The following ZNF557 variants were observed in gnomAD, a reference collection of about 807,000 sequenced individuals.
ZNF557 encodes zinc finger protein 557.
ZNF557 carries 19 observed loss-of-function variants against 21.2 expected under a neutral mutation model. The ratio of observed to expected loss-of-function variants is 0.90; its 90% CI spans 0.63 to 1.32. The LOEUF (loss-of-function observed/expected upper bound fraction) is 1.32, where lower values mean the gene tolerates loss of function less well. Ranked by LOEUF, ZNF557 falls within the 40% of genes most tolerant of loss-of-function variation. ZNF557 has a pLI of 0.00. For missense variants in ZNF557, 487 were observed against 519.8 expected (o/e 0.94, Z 0.61); for synonymous variants, 207 against 194.8 (o/e 1.06, Z -0.52).
rs1977793754 is a variant in ZNF557, at chr19:7,084,539, G to C, written c.*795G>C. ...CTAATTTGTTTTTTTTTAAACTAGA[G>C]GGAGGGTTTTGCCATGTTGCCCAGA... On this transcript the variant is annotated 3_prime_UTR_variant, in exon 8 of 8. Transcript: ENST00000252840. 1 of 151,910 alleles carries C rather than the reference G, an allele frequency of 6.6e-6. No homozygotes were observed. The highest frequency in any genetic ancestry group is 6.6e-5 in the Admixed American group (1 of 15,240). 9.4% of individuals were successfully genotyped at this position (151,910 alleles called of 1,614,324 possible).
chr19:7,083,429 G>GA lies in ZNF557; in HGVS notation c.979dup (p.Arg327LysfsTer25). 6.2e-7 allele frequency: 1 copy of GA among 1,614,162 alleles called. No homozygotes were observed. The highest frequency in any genetic ancestry group is 8.5e-7 in the Non-Finnish European group (1 of 1,180,028). ...ACCCTTACGAATGCCACGATTGTGG[G>GA]AGAACCTTCAGGAGGAGGTCGAATC... On this transcript the variant is annotated frameshift_variant, in exon 8 of 8. Coordinates refer to ENST00000252840, the MANE Select transcript of ZNF557 (RefSeq NM_024341.3). LOFTEE classifies it low-confidence loss of function (END_TRUNC).
Position 7,083,109 on chromosome 19 carries a change from A to T in ZNF557, c.658A>T (p.Arg220Ter), listed in dbSNP as rs758157047. ...CNDCGKTFSS[R>*]SYLTVHKRIH... The stretch of plus-strand genomic sequence containing the variant: ...TGACTGTGGGAAAACCTTCAGCAGC[A>T]GATCTTACCTTACTGTTCATAAGAG... The change falls in exon 8 of 8, where the codon AGA (arginine) becomes TGA (stop). Residue 220 changes from arginine (R) to a stop codon, truncating the protein, a stop_gained. Transcript: ENST00000252840. LOFTEE classifies it low-confidence loss of function (END_TRUNC). 7.4e-6 allele frequency: 12 copies of T among 1,613,980 alleles called. No individual in the cohort carries two copies. The African/African-American group carries it at 1.6e-4, about 22-fold the overall frequency.
intron 2 of ZNF557, among the ~76,000 whole-genome samples, chr19:7,071,769 C>T (rs1044022345): frequency 8.1e-5 from 11 of 136,414 alleles, no homozygotes; most frequent in African/African-American, 3.1e-4. Flanking sequence ...CGCTGCACTT[C>T]AGCCTGGGCA....
rs7247999 is a variant in ZNF557 at position 7,081,202 on chromosome 19, A to T, written c.248-158A>T. On this transcript the variant is annotated intron_variant, in intron 5 of 7. Transcript: ENST00000252840. ...GTGTGTGTGTGTGTGTGTGTGTGTGAGTGTTTAAGACGGTTGCTATATTTA... is the reference window on the plus strand; with the variant it reads ...GTGTGTGTGTGTGTGTGTGTGTGTGTGTGTTTAAGACGGTTGCTATATTTA... Among the ~76,000 whole-genome samples the T allele has an allele frequency of 1.0e-2, 342 of 34,330 alleles. 4 individuals are homozygous for T. The highest frequency in any genetic ancestry group is 0.053 in the African/African-American group (219 of 4,108). 22.5% of individuals were successfully genotyped at this position (34,330 alleles called of 152,430 possible).
At chr19:7,076,981 C>T (rs1977596776) in intron 5 of ZNF557, among the ~76,000 whole-genome samples, 2 of 152,004 alleles carry the variant, frequency 1.3e-5, no homozygotes, top group East Asian at 1.9e-4. Context: ...CTCTTGGGCT[C>T]AGGTGATCCT....
At chr19:7,074,795 G>T (rs1447519354) in intron 2 of ZNF557, among the ~76,000 whole-genome samples, 1 of 90,572 alleles carries the variant, frequency 1.1e-5, no homozygotes, top group Non-Finnish European at 2.3e-5. Flanking sequence ...CGGACTGGAG[G>T]GGGGGTGTGA....
Position 7,083,769 on chromosome 19 carries a change from T to A in ZNF557, c.*25T>A. 1 of 1,568,310 alleles carries A rather than the reference T, an allele frequency of 6.4e-7. No individual in the cohort carries two copies. Among genetic ancestry groups the A allele is most frequent in the African/African-American group, 1.4e-5 (1 of 73,618 alleles). On this transcript the variant is annotated 3_prime_UTR_variant, in exon 8 of 8. Coordinates refer to ENST00000252840, the MANE Select transcript of ZNF557 (RefSeq NM_024341.3). The stretch of plus-strand genomic sequence containing the variant: ...AATTCAATAACTGTGGGAAAAGCAT[T>A]CATTGATCTTTCATGCCTCAGATAA...
chr19:7,076,420 C>T lies in ZNF557; in HGVS notation c.160C>T (p.Gln54Ter). 2 of 1,614,144 alleles carry T rather than the reference C, an allele frequency of 1.2e-6. No homozygotes were observed. Among genetic ancestry groups the T allele is most frequent in the African/African-American group, 2.7e-5 (2 of 75,036 alleles). The change falls in exon 5 of 8, where the codon CAG (glutamine) becomes TAG (stop). Residue 54 changes from glutamine (Q) to a stop codon, truncating the protein, a stop_gained. Coordinates refer to ENST00000252840, the MANE Select transcript of ZNF557 (RefSeq NM_024341.3). LOFTEE classifies it high-confidence loss of function. The part of the protein sequence containing the change: ...TFEDVAVEFT[Q>*]EEWALLDPAQ... ...TGAGGATGTGGCCGTGGAGTTCACC[C>T]AGGAGGAGTGGGCATTGCTGGACCC...
rs1243963698 is a variant in ZNF557 at position 7,083,106 on chromosome 19, A to C, written c.655A>C (p.Ser219Arg). 6.2e-7 allele frequency: 1 copy of C among 1,614,070 alleles called. No individual in the cohort carries two copies. The highest frequency in any genetic ancestry group is 8.5e-7 in the Non-Finnish European group (1 of 1,180,004). Residue 219 changes from serine to arginine, a missense_variant, in exon 8 of 8, where the codon AGC becomes CGC. Transcript: ENST00000252840. Reference sequence around the variant, plus strand: ...CAATGACTGTGGGAAAACCTTCAGCAGCAGATCTTACCTTACTGTTCATAA... The same window carrying C: ...CAATGACTGTGGGAAAACCTTCAGCCGCAGATCTTACCTTACTGTTCATAA... ...ECNDCGKTFS[S>R]RSYLTVHKRI...
chr19:7,074,920 A>G (rs1265097650), intron 2 of ZNF557, 76 bp from the exon 3 acceptor site: 2 of 1,127,184 alleles, frequency 1.8e-6, no homozygotes, highest in Admixed American at 4.1e-5. Context: ...GGGCACGGGC[A>G]GGAGACGGGG....
At chr19:7,078,252 C>T (rs1252970955) in intron 5 of ZNF557, among the ~76,000 whole-genome samples, 1 of 152,042 alleles carries the variant, frequency 6.6e-6, no homozygotes, top group African/African-American at 2.4e-5. Context: ...TACATGATGA[C>T]TTATTTCTCC....
At position 7,075,046 on chromosome 19, in the gene ZNF557, G is replaced by A. The variant is rs371273123; in HGVS notation, c.-29G>A. The A allele has an allele frequency of 1.0e-4, 167 of 1,613,998 alleles. No homozygotes were observed. The highest frequency in any genetic ancestry group is 4.0e-4 in the African/African-American group (30 of 74,998). On this transcript the variant is annotated 5_prime_UTR_variant, in exon 3 of 8. Transcript: ENST00000252840. ...ATAAAGGAGGAGCGTCCTGCTTCCC[G>A]GCTGCCCTGTTGCTGTCGGAGTCAC...
At position 7,085,333 on chromosome 19, in the gene ZNF557, T is replaced by G. The variant is rs1599846583; in HGVS notation, c.*1589T>G. 1.3e-5 allele frequency: 2 copies of G among 152,124 alleles called. No individual in the cohort carries two copies. Among genetic ancestry groups the G allele is most frequent in the South Asian group, 4.2e-4 (2 of 4,818 alleles). 9.4% of individuals were successfully genotyped at this position (152,124 alleles called of 1,614,324 possible). ...GACTGTAGGCATGCACCACCATGCC[T>G]GTCTAGTTTTTGTAAAGATGGGGAT... On this transcript the variant is annotated 3_prime_UTR_variant, in exon 8 of 8. Transcript: ENST00000252840.
At position 7,085,036 on chromosome 19, in the gene ZNF557, T is replaced by G. The variant is rs910005421; in HGVS notation, c.*1292T>G. ...TTACCAAGCACAAGACAGTATAGTT[T>G]GGTATGCTATAAAAGCCTTGAATAT... On this transcript the variant is annotated 3_prime_UTR_variant, in exon 8 of 8. Coordinates refer to ENST00000252840, the MANE Select transcript of ZNF557 (RefSeq NM_024341.3). The G allele has an allele frequency of 6.6e-6, 1 of 152,186 alleles. No individual in the cohort carries two copies. The highest frequency in any genetic ancestry group is 1.5e-5 in the Non-Finnish European group (1 of 68,042). 9.4% of individuals were successfully genotyped at this position (152,186 alleles called of 1,614,324 possible).
At chr19:7,077,171 T>C (rs1294149650) in intron 5 of ZNF557, among the ~76,000 whole-genome samples, 1 of 119,034 alleles carries the variant, frequency 8.4e-6, no homozygotes, top group African/African-American at 3.2e-5. Flanking sequence ...AGTTTCACTC[T>C]GTTACCCAGG....
intron 2 of ZNF557, among the ~76,000 whole-genome samples, chr19:7,071,834 G>A (rs1431151452): frequency 6.8e-6 from 1 of 146,038 alleles, no homozygotes; most frequent in Non-Finnish European, 1.5e-5. Flanking sequence ...AGCTGGGCAT[G>A]GTGGCTCACG....
Position 7,083,486 on chromosome 19 carries a change from A to G in ZNF557, c.1035A>G (p.Glu345=). Residue 345 remains glutamate, a synonymous_variant, in exon 8 of 8, where the codon GAA becomes GAG. Transcript: ENST00000252840. ...LTQHIRTHTG[E]KPYTCNECGK... ...AGCACATAAGAACTCATACTGGAGAAAAACCCTACACATGTAATGAGTGTG... is the reference window on the plus strand; with the variant it reads ...AGCACATAAGAACTCATACTGGAGAGAAACCCTACACATGTAATGAGTGTG... 1 of 1,614,236 alleles carries G rather than the reference A, an allele frequency of 6.2e-7. No homozygotes were observed. The highest frequency in any genetic ancestry group is 8.5e-7 in the Non-Finnish European group (1 of 1,180,032).
At chr19:7,074,017 T>C (rs1195472517) in intron 2 of ZNF557, among the ~76,000 whole-genome samples, 33 of 99,116 alleles carry the variant, frequency 3.3e-4, no homozygotes, top group African/African-American at 1.1e-3. Context: ...TTTTTTTTTT[T>C]CCAAATGGAG....
Position 7,087,132 on chromosome 19 carries a change from T to C in ZNF557, c.*3388T>C, listed in dbSNP as rs1313850870. The C allele has an allele frequency of 7.6e-6, 1 of 131,010 alleles. No individual in the cohort carries two copies. Among genetic ancestry groups the C allele is most frequent in the Non-Finnish European group, 1.6e-5 (1 of 60,608 alleles). 8.1% of individuals were successfully genotyped at this position (131,010 alleles called of 1,614,324 possible). On this transcript the variant is annotated 3_prime_UTR_variant, in exon 8 of 8. Transcript: ENST00000252840. ...GAATAACGCACTGGGTGAGACACCG[T>C]CTGGCTTATTCTCATCTATTTTCTT...
Sources: allele counts gnomAD v4.1 joint callset (sites outside exome capture counted in the v4.1 genomes callset), GRCh38; gene constraint gnomAD v4.1.1; transcripts MANE v1.5; gene names NCBI Gene and HGNC (gene_info 2026-07-23, HGNC 2026-07-21).